BMP7: variants seen among roughly 807,000 people sequenced by gnomAD.
BMP7 encodes the protein osteogenic protein 1.
In BMP7, 12 loss-of-function variants were observed where a neutral mutation model predicts 41.2. That is an observed-to-expected ratio of 0.29 (90% confidence interval 0.19 to 0.47). BMP7 has a LOEUF of 0.47. BMP7 is among the 20% of genes least tolerant of loss of function. The pLI is 0.99. For missense variants in BMP7, 467 were observed against 606.0 expected (o/e 0.77, Z 2.41); for synonymous variants, 248 against 250.0 (o/e 0.99, Z 0.07).
At chr20:57,254,017 CT>C (rs35180643) in intron 1 of BMP7, among the ~76,000 whole-genome samples, 6,382 of 71,370 alleles carry the variant, frequency 0.089, 42 homozygotes, top group Non-Finnish European at 0.1. Flanking sequence ...GGTTTCTTTC[CT>C]TTTTTTTTTT....
chr20:57,218,877 T>C (rs2123108190), intron 2 of BMP7, among the ~76,000 whole-genome samples: 1 of 151,602 alleles, frequency 6.6e-6, no homozygotes, highest in Admixed American at 6.6e-5. Context: ...TGTTTGGTGG[T>C]AGCTGGTGTT....
At chr20:57,264,490 G>C (rs1308206005) in intron 1 of BMP7, among the ~76,000 whole-genome samples, 1 of 152,226 alleles carries the variant, frequency 6.6e-6, no homozygotes, top group Non-Finnish European at 1.5e-5. Flanking sequence ...GTTAGTTTGA[G>C]CAAGTCTGGA....
chr20:57,212,432 G>T (rs6127971), intron 2 of BMP7, among the ~76,000 whole-genome samples: 1 of 151,916 alleles, frequency 6.6e-6, no homozygotes, highest in African/African-American at 2.4e-5. Flanking sequence ...CAGGAGTGGA[G>T]ATGACGGGCT....
Position 57,171,039 on chromosome 20 carries a change from C to T in BMP7, c.1216G>A (p.Val406Ile), listed in dbSNP as rs1292292967. ...TTGGAGCTGTCATCGAAGTAGAGGACGGAGATGGCATTGAGCTGCGTGGGC... is the reference window on the plus strand; with the variant it reads ...TTGGAGCTGTCATCGAAGTAGAGGATGGAGATGGCATTGAGCTGCGTGGGC... ...CAPTQLNAISVLYFDDSSNVI... is the reference protein window; with the variant it reads ...CAPTQLNAISILYFDDSSNVI... Residue 406 changes from valine to isoleucine, a missense_variant, in exon 7 of 7, where the codon GTC becomes ATC. Physicochemically the swap from Val to Ile is conservative, Grantham distance 29. Coordinates refer to ENST00000395863, the MANE Select transcript of BMP7 (RefSeq NM_001719.3). This position sits in a 1 kb window ranked among gnomAD's most constrained non-coding sequence, Gnocchi z 4.5. 4.3e-6 allele frequency: 7 copies of T among 1,614,152 alleles called. No individual in the cohort carries two copies. The highest frequency in any genetic ancestry group is 1.3e-5 in the African/African-American group (1 of 75,028).
At chr20:57,186,520 T>A (rs1199606728) in intron 3 of BMP7, among the ~76,000 whole-genome samples, 1 of 152,194 alleles carries the variant, frequency 6.6e-6, no homozygotes, top group East Asian at 1.9e-4. Flanking sequence ...GTTTTACTCA[T>A]GACAGCACAA....
intron 3 of BMP7, among the ~76,000 whole-genome samples, chr20:57,184,388 G>A (rs1984163373): frequency 6.6e-6 from 1 of 152,192 alleles, no homozygotes; most frequent in South Asian, 2.1e-4. Flanking sequence ...AACAGTGAGT[G>A]AGGGGGCCCA....
At chr20:57,176,906 T>A (rs1203511631) in intron 4 of BMP7, among the ~76,000 whole-genome samples, 1 of 152,190 alleles carries the variant, frequency 6.6e-6, no homozygotes, top group African/African-American at 2.4e-5. Flanking sequence ...TTCATGAGAA[T>A]TCTATCTGCA....
chr20:57,182,518 C>T (rs974394836), intron 4 of BMP7, among the ~76,000 whole-genome samples: 2 of 152,232 alleles, frequency 1.3e-5, no homozygotes, highest in East Asian at 1.9e-4. Context: ...CTGGGGACAC[C>T]GAAGCTCATC....
chr20:57,243,620 T>G (rs372256642), intron 1 of BMP7, among the ~76,000 whole-genome samples: 23 of 152,114 alleles, frequency 1.5e-4, no homozygotes, highest in African/African-American at 5.3e-4. Flanking sequence ...TGGGGTCACC[T>G]AGGGAGCAAA....
Position 57,261,204 on chromosome 20 carries a change from G to A in BMP7, c.418+4501C>T, listed in dbSNP as rs2066152803. On this transcript the variant is annotated intron_variant, in intron 1 of 6. Transcript: ENST00000395863. The surrounding 1 kb of genome is among the most constrained non-coding windows in gnomAD (Gnocchi z 4.1). ...TGTTTATCTCGGCAAAGGCTTGAGA[G>A]CCTACTACGCCATGGTAAAGCCCCA... is the stretch of plus-strand genomic sequence containing the variant. 6.6e-6 allele frequency among the ~76,000 whole-genome samples: 1 copy of A among 152,264 alleles called. No homozygotes were observed. Among genetic ancestry groups the A allele is most frequent in the African/African-American group, 2.4e-5 (1 of 41,536 alleles).
chr20:57,199,259 G>A (rs903361465), intron 3 of BMP7, among the ~76,000 whole-genome samples: 2 of 152,154 alleles, frequency 1.3e-5, no homozygotes, highest in Admixed American at 6.5e-5. Context: ...CCCAGAACCC[G>A]AGGGGTACCT....
chr20:57,229,799 G>C (rs1172138378), intron 1 of BMP7, among the ~76,000 whole-genome samples: 1 of 152,228 alleles, frequency 6.6e-6, no homozygotes, highest in Non-Finnish European at 1.5e-5. Context: ...CCGGTTCCAA[G>C]TGGGACAGCA....
intron 2 of BMP7, 62 bp from the exon 3 acceptor site, chr20:57,202,685 A>C: frequency 4.6e-5 from 45 of 983,886 alleles, no homozygotes; most frequent in East Asian, 8.7e-5. Context: ...CACTACCCCA[A>C]CAGATGGGAA....
intron 3 of BMP7, among the ~76,000 whole-genome samples, chr20:57,189,312 A>C (rs1984295091): frequency 6.6e-6 from 1 of 152,196 alleles, no homozygotes; most frequent in Admixed American, 6.5e-5. Context: ...CTCAGAGCCC[A>C]TTTGCGGGCA....
intron 2 of BMP7, among the ~76,000 whole-genome samples, chr20:57,207,201 T>TGAATC (rs1396957382): frequency 6.6e-6 from 1 of 152,062 alleles, no homozygotes; most frequent in Non-Finnish European, 1.5e-5. Context: ...AGGAAGCCAC[T>TGAATC]GAATCGAGAA....
At chr20:57,186,344 G>T (rs1046771127) in intron 3 of BMP7, among the ~76,000 whole-genome samples, 6 of 152,078 alleles carry the variant, frequency 3.9e-5, no homozygotes, top group African/African-American at 1.4e-4. Context: ...GAAAATAGAG[G>T]GAGCAAACTC....
At chr20:57,173,039 C>T (rs1367233314) in intron 6 of BMP7, 161 bp downstream of exon 6, 8 of 739,104 alleles carry the variant, frequency 1.1e-5, no homozygotes, top group African/African-American at 1.0e-4. Flanking sequence ...TCATAAAGTA[C>T]AATTTTTGAT....
chr20:57,227,558 G>C (rs933508586), intron 2 of BMP7, among the ~76,000 whole-genome samples: 1 of 152,098 alleles, frequency 6.6e-6, no homozygotes, highest in African/African-American at 2.4e-5. Context: ...GCCCAGTGGG[G>C]ACGGTAGATG....
At chr20:57,212,493 T>C (rs540135340) in intron 2 of BMP7, among the ~76,000 whole-genome samples, 25 of 152,268 alleles carry the variant, frequency 1.6e-4, no homozygotes, top group African/African-American at 6.0e-4. Context: ...AGTCTGACCC[T>C]CGCCCTCGCC....
Sources: allele counts gnomAD v4.1 joint callset (sites outside exome capture counted in the v4.1 genomes callset), GRCh38; gene constraint gnomAD v4.1.1; non-coding constraint Gnocchi (gnomAD v3.1); transcripts MANE v1.5; gene names NCBI Gene and HGNC (gene_info 2026-07-23, HGNC 2026-07-21).